Variants in TNRC6A observed in about 807,000 individuals in gnomAD.
TNRC6A encodes trinucleotide repeat containing adaptor 6A, also known as trinucleotide repeat-containing gene 6A protein.
TNRC6A carries 44 observed loss-of-function variants against 221.2 expected under a neutral mutation model. The observed-to-expected ratio is 0.20, with a 90% CI of 0.16 to 0.26. The LOEUF is 0.26. Ranked by LOEUF, TNRC6A falls within the 10% of genes least tolerant of loss-of-function variation. The probability of loss-of-function intolerance (pLI) is 1.00; values close to 1 mark genes in which losing one functional copy is unlikely to be tolerated. For synonymous variants in TNRC6A, 847 were observed against 838.5 expected (o/e 1.01, Z -0.18); for missense variants, 2,199 against 2,404.4 (o/e 0.91, Z 1.79).
At chr16:24,643,449 T>C (rs1211426182) in intron 2 of TNRC6A, among the ~76,000 whole-genome samples, 2 of 152,078 alleles carry the variant, frequency 1.3e-5, no homozygotes, top group African/African-American at 2.4e-5. Flanking sequence ...TTGCTTTATG[T>C]GGTTTCTTTC....
chr16:24,757,359 C>T (rs1292422328), intron 3 of TNRC6A, among the ~76,000 whole-genome samples: 1 of 152,154 alleles, frequency 6.6e-6, no homozygotes, highest in Non-Finnish European at 1.5e-5. Flanking sequence ...TTTTTGATAA[C>T]AGTAATTTCA....
Position 24,776,993 on chromosome 16 carries a change from C to T in TNRC6A, c.224C>T (p.Thr75Ile), listed in dbSNP as rs532095988. ...CAGCCTGCCAACTCTAATAACGGCA[C>T]TTCCACAGCAACCAGCACTAATAAT... ...QPQPANSNNG[T>I]STATSTNNNA... Residue 75 changes from threonine (T) to isoleucine (I), a missense_variant, in exon 5 of 25, where the codon ACT becomes ATT. Transcript: ENST00000395799. 5 of 1,614,148 alleles carry T rather than the reference C, an allele frequency of 3.1e-6. No homozygotes were observed. The highest frequency in any genetic ancestry group is 4.2e-6 in the Non-Finnish European group (5 of 1,180,032).
At chr16:24,792,133 T>C (rs1217172793) in intron 6 of TNRC6A, among the ~76,000 whole-genome samples, 2 of 152,212 alleles carry the variant, frequency 1.3e-5, no homozygotes. Flanking sequence ...TTTTATTATT[T>C]GACTAAAATA....
At position 24,823,635 on chromosome 16, in the gene TNRC6A, C is replaced by G; in HGVS notation, c.5717C>G (p.Ser1906Trp). Residue 1906 changes from serine (S) to tryptophan (W), a missense_variant, in exon 25 of 25, where the codon TCG becomes TGG. Around this residue, in one of 8 missense-constraint regions of TNRC6A, gnomAD observed 130 missense variants for 121.7 expected, o/e 1.07. Transcript: ENST00000395799. The surrounding 1 kb of genome is among the most constrained non-coding windows in gnomAD (Gnocchi z 4.3). The stretch of plus-strand genomic sequence containing the variant: ...AATCACTGGAATGGTGCTGGGCTGT[C>G]GGGAACTAACTGTGGAGACCTTCAC... ...DLNHWNGAGL[S>W]GTNCGDLHGT... 2 of 1,613,696 alleles carry G rather than the reference C, an allele frequency of 1.2e-6. No homozygotes were observed. Among genetic ancestry groups the G allele is most frequent in the Non-Finnish European group, 1.7e-6 (2 of 1,179,804 alleles).
At chr16:24,811,737 G>A (rs1292357437) in intron 18 of TNRC6A, among the ~76,000 whole-genome samples, 1 of 151,898 alleles carries the variant, frequency 6.6e-6, no homozygotes, top group African/African-American at 2.4e-5. Context: ...CAGGAGCTGT[G>A]GAGGAAGTGG....
chr16:24,646,368 T>C (rs960468976), intron 2 of TNRC6A, among the ~76,000 whole-genome samples: 1 of 152,192 alleles, frequency 6.6e-6, no homozygotes, highest in East Asian at 1.9e-4. Flanking sequence ...GATCACCCCA[T>C]TCATTGCCTT....
intron 2 of TNRC6A, among the ~76,000 whole-genome samples, chr16:24,675,659 ACTCTCTCTCTCT>A (rs71381700): frequency 8.3e-4 from 31 of 37,548 alleles, no homozygotes; most frequent in Middle Eastern, 0.019. Flanking sequence ...CCAGCCAGAG[ACTCTCTCTCTCT>A]CTCTCTCTCT....
At chr16:24,735,907 G>A (rs972871788) in intron 2 of TNRC6A, among the ~76,000 whole-genome samples, 3 of 152,298 alleles carry the variant, frequency 2.0e-5, no homozygotes, top group Admixed American at 6.5e-5. Flanking sequence ...GCTCATGCCT[G>A]TAATCCCAGC....
At chr16:24,691,986 T>G (rs2055764734) in intron 2 of TNRC6A, among the ~76,000 whole-genome samples, 2 of 152,150 alleles carry the variant, frequency 1.3e-5, no homozygotes, top group African/African-American at 4.8e-5. Flanking sequence ...TAAAATAATT[T>G]TCTAGCAAGT....
At chr16:24,796,142 CT>C (rs1345507332) in intron 9 of TNRC6A, 1 of 487,580 alleles carries the variant, frequency 2.1e-6, no homozygotes, top group Non-Finnish European at 3.6e-6. Context: ...GAAGTGTCAG[CT>C]TGAATTTGGA....
chr16:24,748,675 C>A (rs1409205028), intron 2 of TNRC6A, among the ~76,000 whole-genome samples: 3 of 152,084 alleles, frequency 2.0e-5, no homozygotes, highest in Non-Finnish European at 2.9e-5. Flanking sequence ...TCAGTCTGTT[C>A]CATCAGCAAA....
chr16:24,625,007 A>G (rs1900882774), intron 1 of TNRC6A, among the ~76,000 whole-genome samples: 1 of 152,192 alleles, frequency 6.6e-6, no homozygotes, highest in Non-Finnish European at 1.5e-5. Context: ...AGATTTCTTT[A>G]TATAATACTA....
intron 2 of TNRC6A, chr16:24,664,965 CG>C (rs2055126312): frequency 2.2e-6 from 1 of 456,236 alleles, no homozygotes; most frequent in Non-Finnish European, 4.4e-6. Flanking sequence ...CACAGAATCA[CG>C]GGATGGTTGC....
intron 2 of TNRC6A, among the ~76,000 whole-genome samples, chr16:24,720,725 A>G (rs948914746): frequency 1.3e-5 from 2 of 150,204 alleles, no homozygotes; most frequent in African/African-American, 2.4e-5. Context: ...AGAAAAAAAA[A>G]AAAGAAAAAA....
intron 2 of TNRC6A, among the ~76,000 whole-genome samples, chr16:24,678,653 C>G (rs2055468070): frequency 1.3e-5 from 2 of 152,010 alleles, no homozygotes; most frequent in Non-Finnish European, 2.9e-5. Context: ...TGCAGTGAGC[C>G]AAGATTATAC....
At position 24,822,066 on chromosome 16, in the gene TNRC6A, T is replaced by A. The variant is rs1316554002; in HGVS notation, c.5303-11T>A. 6 of 1,614,120 alleles carry A rather than the reference T, an allele frequency of 3.7e-6. No homozygotes were observed. The highest frequency in any genetic ancestry group is 5.1e-6 in the Non-Finnish European group (6 of 1,179,964). On this transcript the variant is annotated splice_polypyrimidine_tract_variant and intron_variant, in intron 22 of 24. Coordinates refer to ENST00000395799, the MANE Select transcript of TNRC6A (RefSeq NM_014494.4). ...CTGGAAAACTGACTTGTCCTTTTTT[T>A]CCTTGTTTAGGTTCCAGCTGGGGTG... is the stretch of plus-strand genomic sequence containing the variant.
At chr16:24,622,459 G>C (rs1362418226) in intron 1 of TNRC6A, among the ~76,000 whole-genome samples, 1 of 152,024 alleles carries the variant, frequency 6.6e-6, no homozygotes, top group African/African-American at 2.4e-5. Context: ...AAATAAGCAG[G>C]GTGTGGTGGT....
chr16:24,699,827 C>T (rs555839675), intron 2 of TNRC6A, among the ~76,000 whole-genome samples: 1 of 152,048 alleles, frequency 6.6e-6, no homozygotes, highest in South Asian at 2.1e-4. Flanking sequence ...CTTTAACAGT[C>T]AACCCTGAGG....
At chr16:24,684,088 G>T (rs1354927654) in intron 2 of TNRC6A, among the ~76,000 whole-genome samples, 1 of 152,204 alleles carries the variant, frequency 6.6e-6, no homozygotes, top group Non-Finnish European at 1.5e-5. Flanking sequence ...TAATGAATGG[G>T]TGTGACTGTA....
Sources: gnomAD v4.1 joint callset for allele counts (sites outside exome capture counted in the v4.1 genomes callset) on GRCh38, gnomAD v4.1.1 for gene constraint, gnomAD v4.1.1 regional missense constraint, Gnocchi (gnomAD v3.1) non-coding constraint, MANE v1.5 for transcripts, NCBI Gene and HGNC (gene_info 2026-07-23, HGNC 2026-07-21) for gene names.